RNF130: variants seen among roughly 807,000 people sequenced by gnomAD.
The protein encoded by RNF130 is ring finger protein 130.
Under a neutral mutation model 44.6 loss-of-function variants are expected in RNF130, and 21 were observed. The observed-to-expected ratio is 0.47, with a 90% CI of 0.33 to 0.68. RNF130 has a LOEUF of 0.68. Among genes scored for constraint, RNF130 ranks in the 30% least tolerant of loss-of-function variants. The pLI is 0.02. For synonymous variants in RNF130, 214 were observed against 210.4 expected, an observed-to-expected ratio of 1.02 and a Z score of -0.15; for missense variants, 479 against 560.6, an observed-to-expected ratio of 0.85 and a Z score of 1.47.
chr5:179,937,848 T>G (rs141600960), intron 7 of RNF130, among the ~76,000 whole-genome samples: 1 of 151,100 alleles, frequency 6.6e-6, no homozygotes, highest in East Asian at 1.9e-4. Flanking sequence ...AGACATACAA[T>G]GCACTGTTAT....
At chr5:179,922,643 A>C (rs1761651787) in intron 7 of RNF130, among the ~76,000 whole-genome samples, 1 of 151,606 alleles carries the variant, frequency 6.6e-6, no homozygotes, top group Admixed American at 6.6e-5. Flanking sequence ...ATGAGGGTTT[A>C]AAAAAAATTC....
intron 2 of RNF130, among the ~76,000 whole-genome samples, chr5:180,028,630 G>T (rs1177509191): frequency 1.3e-5 from 2 of 152,144 alleles, no homozygotes; most frequent in Non-Finnish European, 2.9e-5. Flanking sequence ...GCACTGAGTG[G>T]TTCCCCAATT....
intron 2 of RNF130, among the ~76,000 whole-genome samples, chr5:180,027,177 C>T (rs1764010511): frequency 6.6e-6 from 1 of 152,112 alleles, no homozygotes; most frequent in Non-Finnish European, 1.5e-5. Context: ...TGGGTCCATC[C>T]CTTGAGACTG....
chr5:179,978,924 T>C (rs1762771876), intron 4 of RNF130, among the ~76,000 whole-genome samples: 5 of 152,142 alleles, frequency 3.3e-5, no homozygotes, highest in Admixed American at 3.3e-4. Context: ...GCAAAAGTTG[T>C]CATAAAACAA....
chr5:179,965,973 C>T (rs758398594), intron 7 of RNF130, among the ~76,000 whole-genome samples: 2 of 152,150 alleles, frequency 1.3e-5, no homozygotes, highest in Non-Finnish European at 1.5e-5. Context: ...GCTAGGCAAG[C>T]AGCAGCAGGT....
chr5:180,054,183 A>T (rs1764751991), intron 1 of RNF130, among the ~76,000 whole-genome samples: 1 of 152,092 alleles, frequency 6.6e-6, no homozygotes, highest in African/African-American at 2.4e-5. Flanking sequence ...ACAGCTGTTT[A>T]TATCTTATGC....
At chr5:179,966,421 G>A (rs1019123942) in intron 7 of RNF130, among the ~76,000 whole-genome samples, 18 of 152,154 alleles carry the variant, frequency 1.2e-4, no homozygotes, top group Non-Finnish European at 1.8e-4. Flanking sequence ...CTGTAGCCCC[G>A]GAGGTGGAGA....
At chr5:179,920,901 T>A (rs1202233372) in intron 7 of RNF130, among the ~76,000 whole-genome samples, 1 of 151,858 alleles carries the variant, frequency 6.6e-6, no homozygotes, top group African/African-American at 2.4e-5. Context: ...CCTTCCGAAT[T>A]TTTTTCAGTC....
At chr5:179,964,046 C>T (rs550432471) in intron 7 of RNF130, 103 of 155,996 alleles carry the variant, frequency 6.6e-4, no homozygotes, top group African/African-American at 2.4e-3. Flanking sequence ...CAGCCGTCTG[C>T]GAGCCGGCCT....
At chr5:179,933,766 A>G (rs1285299203) in intron 7 of RNF130, 27 of 518,412 alleles carry the variant, frequency 5.2e-5, no homozygotes, top group South Asian at 5.0e-4. Context: ...CAAGCGATTC[A>G]CCTAGGCAGC....
At chr5:180,042,773 T>A (rs1021405600) in intron 1 of RNF130, among the ~76,000 whole-genome samples, 48 of 152,220 alleles carry the variant, frequency 3.2e-4, no homozygotes, top group Non-Finnish European at 2.2e-4. Flanking sequence ...CTGCCTTCTG[T>A]GCAACACATT....
chr5:180,041,315 C>T (rs534277919), intron 1 of RNF130, among the ~76,000 whole-genome samples: 38 of 152,188 alleles, frequency 2.5e-4, no homozygotes, highest in Non-Finnish European at 4.6e-4. Context: ...CCCACAACTC[C>T]GTATCAAGAT....
At chr5:180,060,613 G>A (rs1764954783) in intron 1 of RNF130, among the ~76,000 whole-genome samples, 1 of 152,150 alleles carries the variant, frequency 6.6e-6, no homozygotes, top group Admixed American at 6.5e-5. Context: ...ACTTAGCGCA[G>A]GGATTCTTAA....
intron 7 of RNF130, among the ~76,000 whole-genome samples, chr5:179,942,926 G>A (rs181774390): frequency 2.6e-5 from 4 of 152,196 alleles, no homozygotes; most frequent in East Asian, 1.9e-4. Flanking sequence ...GCTGGGTGCC[G>A]TGGCTCAGGC....
chr5:180,063,283 C>T (rs930665639), intron 1 of RNF130, among the ~76,000 whole-genome samples: 7 of 152,074 alleles, frequency 4.6e-5, no homozygotes, highest in South Asian at 2.1e-4. Flanking sequence ...AGGCGGCAGC[C>T]GTGAAAATGT....
At chr5:179,974,231 C>T (rs1347277702) in intron 5 of RNF130, among the ~76,000 whole-genome samples, 4 of 152,298 alleles carry the variant, frequency 2.6e-5, no homozygotes, top group Admixed American at 6.5e-5. Flanking sequence ...ACATCTGCAG[C>T]GGCCGGCCCC....
intron 2 of RNF130, among the ~76,000 whole-genome samples, chr5:180,034,693 G>C (rs1488864092): frequency 1.3e-5 from 2 of 152,162 alleles, no homozygotes; most frequent in Admixed American, 1.3e-4. Flanking sequence ...TGGCCCTTGG[G>C]TGGCATCTGG....
chr5:179,972,860 G>A (rs927295634), intron 5 of RNF130, among the ~76,000 whole-genome samples: 1 of 152,088 alleles, frequency 6.6e-6, no homozygotes, highest in East Asian at 1.9e-4. Flanking sequence ...ATATGTTTGG[G>A]TTCTTGAGTA....
intron 7 of RNF130, among the ~76,000 whole-genome samples, chr5:179,921,793 TG>T (rs1761634803): frequency 6.7e-6 from 1 of 148,538 alleles, no homozygotes; most frequent in African/African-American, 2.6e-5. Flanking sequence ...GAAGGCGAGG[TG>T]GGTGGATCAC....
Sources: gnomAD v4.1 joint callset for allele counts (sites outside exome capture counted in the v4.1 genomes callset) on GRCh38, gnomAD v4.1.1 for gene constraint, MANE v1.5 for transcripts, NCBI Gene and HGNC (gene_info 2026-07-23, HGNC 2026-07-21) for gene names.